The following FAM107B variants were observed in gnomAD, a reference collection of about 807,000 sequenced individuals.
The protein encoded by FAM107B is family with sequence similarity 107 member B.
FAM107B carries 21 observed loss-of-function variants against 31.5 expected under a neutral mutation model. The observed-to-expected ratio is 0.67, with a 90% CI of 0.47 to 0.96. FAM107B has a LOEUF of 0.96. FAM107B is among the 40% of genes least tolerant of loss of function. The pLI is 0.00. For missense variants in FAM107B, 452 were observed against 377.1 expected, an observed-to-expected ratio of 1.20 and a Z score of -1.64; for synonymous variants, 157 against 141.5, an observed-to-expected ratio of 1.11 and a Z score of -0.78.
At chr10:14,582,012 T>A (rs1021144317) in intron 2 of FAM107B, among the ~76,000 whole-genome samples, 1 of 152,350 alleles carries the variant, frequency 6.6e-6, no homozygotes, top group Admixed American at 6.5e-5. Flanking sequence ...CTTGCCCAAG[T>A]TGACAGTTTC....
At chr10:14,742,457 A>G (rs901453043) in intron 1 of FAM107B, among the ~76,000 whole-genome samples, 7 of 152,172 alleles carry the variant, frequency 4.6e-5, no homozygotes, top group Non-Finnish European at 1.0e-4. Flanking sequence ...AACAAAGTAC[A>G]TTATTAATGC....
At chr10:14,657,851 C>T (rs1854107113) in intron 2 of FAM107B, among the ~76,000 whole-genome samples, 1 of 151,834 alleles carries the variant, frequency 6.6e-6, no homozygotes, top group South Asian at 2.1e-4. Flanking sequence ...CACTCTGTCG[C>T]CCAGTCTGGA....
intron 2 of FAM107B, among the ~76,000 whole-genome samples, chr10:14,581,426 A>T (rs1409772173): frequency 4.6e-5 from 7 of 152,224 alleles, no homozygotes; most frequent in Non-Finnish European, 1.0e-4. Context: ...CAACTCAAGA[A>T]GCAGTTGATT....
chr10:14,554,846 A>C (rs938542243), intron 2 of FAM107B, among the ~76,000 whole-genome samples: 2 of 152,252 alleles, frequency 1.3e-5, no homozygotes, highest in Middle Eastern at 3.2e-3. Flanking sequence ...AGTTCACAGA[A>C]GTATATCAAC....
chr10:14,532,948 G>C (rs1273003192), intron 2 of FAM107B, among the ~76,000 whole-genome samples: 1 of 152,166 alleles, frequency 6.6e-6, no homozygotes, highest in East Asian at 1.9e-4. Context: ...AAAGGCCACA[G>C]GGTAGGAGGG....
chr10:14,595,324 G>C (rs1453666041), intron 2 of FAM107B, among the ~76,000 whole-genome samples: 6 of 151,316 alleles, frequency 4.0e-5, no homozygotes, highest in African/African-American at 9.7e-5. Context: ...AGTAAATGCA[G>C]ATATGTACAG....
intron 1 of FAM107B, among the ~76,000 whole-genome samples, chr10:14,711,703 G>C (rs979315171): frequency 3.3e-5 from 5 of 152,138 alleles, no homozygotes; most frequent in Non-Finnish European, 5.9e-5. Flanking sequence ...GGGTGCAGTG[G>C]TGTGATCTCA....
chr10:14,548,927 T>C (rs1848988863), intron 2 of FAM107B, among the ~76,000 whole-genome samples: 1 of 152,006 alleles, frequency 6.6e-6, no homozygotes, highest in South Asian at 2.1e-4. Flanking sequence ...GGTGGGACCT[T>C]TGAAAGGTAA....
chr10:14,597,523 CCAGTTAT>C (rs1332728917), intron 2 of FAM107B, among the ~76,000 whole-genome samples: 2 of 152,104 alleles, frequency 1.3e-5, no homozygotes, highest in Non-Finnish European at 2.9e-5. Context: ...ATATGAAAAC[CCAGTTAT>C]CTTTAAAACT....
At chr10:14,659,891 G>A (rs1854185994) in intron 2 of FAM107B, among the ~76,000 whole-genome samples, 1 of 152,164 alleles carries the variant, frequency 6.6e-6, no homozygotes, top group Admixed American at 6.5e-5. Flanking sequence ...CCCCACAGAA[G>A]TTACAAAAAT....
At chr10:14,567,296 G>T (rs562416070) in intron 2 of FAM107B, among the ~76,000 whole-genome samples, 1 of 152,154 alleles carries the variant, frequency 6.6e-6, no homozygotes. Context: ...AAGAGCAGGC[G>T]GATTTGCAAA....
At chr10:14,587,203 G>C (rs539651817) in intron 2 of FAM107B, among the ~76,000 whole-genome samples, 147 of 152,224 alleles carry the variant, frequency 9.7e-4, no homozygotes, top group African/African-American at 3.5e-3. Flanking sequence ...GGTCTATCTA[G>C]CAAAAAGTTC....
chr10:14,674,132 G>A (rs752816959), intron 1 of FAM107B, among the ~76,000 whole-genome samples: 5 of 152,126 alleles, frequency 3.3e-5, no homozygotes, highest in Non-Finnish European at 5.9e-5. Flanking sequence ...CGTAAGACCC[G>A]AAGCTATGAA....
At chr10:14,739,063 C>T (rs543827047) in intron 1 of FAM107B, among the ~76,000 whole-genome samples, 38 of 152,096 alleles carry the variant, frequency 2.5e-4, no homozygotes, top group Non-Finnish European at 2.1e-4. Context: ...GCTTGGTGGT[C>T]TCAGGATATT....
intron 2 of FAM107B, among the ~76,000 whole-genome samples, chr10:14,641,162 C>G (rs990144146): frequency 1.3e-5 from 2 of 152,220 alleles, no homozygotes; most frequent in African/African-American, 4.8e-5. Context: ...GCCCTACCAC[C>G]TTCTGTAGTT....
At chr10:14,670,801 G>A (rs1854522096) in intron 1 of FAM107B, among the ~76,000 whole-genome samples, 1 of 152,234 alleles carries the variant, frequency 6.6e-6, no homozygotes, top group Non-Finnish European at 1.5e-5. Flanking sequence ...TGGTTGGAGA[G>A]CTTTCAGCAC....
chr10:14,581,149 T>C (rs922920726), intron 2 of FAM107B, among the ~76,000 whole-genome samples: 1 of 152,246 alleles, frequency 6.6e-6, no homozygotes, highest in Admixed American at 6.5e-5. Flanking sequence ...GCAATCGGTC[T>C]GGTGCAGTGC....
At chr10:14,621,805 C>G (rs1853017142) in intron 2 of FAM107B, among the ~76,000 whole-genome samples, 1 of 151,988 alleles carries the variant, frequency 6.6e-6, no homozygotes, top group South Asian at 2.1e-4. Context: ...TTGTTAGCTG[C>G]TGAAAGCGGA....
At chr10:14,740,163 A>G (rs1209536566) in intron 1 of FAM107B, among the ~76,000 whole-genome samples, 1 of 152,244 alleles carries the variant, frequency 6.6e-6, no homozygotes, top group Non-Finnish European at 1.5e-5. Flanking sequence ...GTGAATGTTT[A>G]TAGAAGCGAT....
Sources: allele counts gnomAD v4.1 joint callset (sites outside exome capture counted in the v4.1 genomes callset), GRCh38; gene constraint gnomAD v4.1.1; transcripts MANE v1.5; gene names NCBI Gene and HGNC (gene_info 2026-07-23, HGNC 2026-07-21).